Variants in CDKAL1 observed in about 807,000 individuals in gnomAD.
The protein encoded by CDKAL1 is CDKAL1 threonylcarbamoyladenosine tRNA methylthiotransferase.
CDKAL1 carries 32 observed loss-of-function variants against 68.2 expected under a neutral mutation model. The observed-to-expected ratio is 0.47, with a 90% CI of 0.35 to 0.63. The LOEUF is 0.63. Among genes scored for constraint, CDKAL1 ranks in the 30% least tolerant of loss-of-function variants. The pLI is 0.00. For synonymous variants in CDKAL1, 234 were observed against 244.3 expected (o/e 0.96, Z 0.39); for missense variants, 606 against 696.7 (o/e 0.87, Z 1.47).
intron 13 of CDKAL1, among the ~76,000 whole-genome samples, chr6:21,193,897 C>CA (rs776338696): frequency 6.6e-6 from 1 of 152,164 alleles, no homozygotes; most frequent in Non-Finnish European, 1.5e-5. Context: ...GTTGCTATAA[C>CA]AAAATACCCA....
At chr6:20,825,320 T>A (rs1159666379) in intron 8 of CDKAL1, among the ~76,000 whole-genome samples, 2 of 138,392 alleles carry the variant, frequency 1.4e-5, no homozygotes, top group African/African-American at 5.2e-5. Context: ...TAATTTTGAA[T>A]TTGCCTTAGT....
chr6:21,023,789 AT>A (rs1262656199), intron 11 of CDKAL1, among the ~76,000 whole-genome samples: 6 of 152,146 alleles, frequency 3.9e-5, no homozygotes, highest in African/African-American at 1.4e-4. Flanking sequence ...GGCACAATAT[AT>A]TTTTATTTAC....
intron 12 of CDKAL1, among the ~76,000 whole-genome samples, chr6:21,104,542 G>A (rs1296089695): frequency 6.6e-6 from 1 of 151,952 alleles, no homozygotes; most frequent in Non-Finnish European, 1.5e-5. Flanking sequence ...AACAGGCAGT[G>A]GGTCAGATTG....
intron 8 of CDKAL1, among the ~76,000 whole-genome samples, chr6:20,792,644 A>C (rs1210163349): frequency 6.6e-6 from 1 of 152,168 alleles, no homozygotes; most frequent in Non-Finnish European, 1.5e-5. Context: ...TTTATTTAGG[A>C]CCAGGAGCCC....
chr6:20,668,682 A>T (rs1769665764), intron 5 of CDKAL1, among the ~76,000 whole-genome samples: 1 of 152,230 alleles, frequency 6.6e-6, no homozygotes, highest in African/African-American at 2.4e-5. Context: ...TGATGCAGTG[A>T]TCAAACCAGA....
intron 9 of CDKAL1, among the ~76,000 whole-genome samples, chr6:20,905,375 G>C (rs187236548): frequency 6.6e-5 from 10 of 152,216 alleles, no homozygotes; most frequent in Non-Finnish European, 1.5e-4. Context: ...TTGAAAATAG[G>C]ACAATCAAAA....
intron 5 of CDKAL1, among the ~76,000 whole-genome samples, chr6:20,668,383 A>G (rs1348562704): frequency 6.6e-6 from 1 of 152,058 alleles, no homozygotes; most frequent in East Asian, 1.9e-4. Flanking sequence ...TGGAGTGGCT[A>G]TTTACAGGTG....
At chr6:20,722,080 G>T (rs1404872344) in intron 5 of CDKAL1, among the ~76,000 whole-genome samples, 1 of 152,066 alleles carries the variant, frequency 6.6e-6, no homozygotes, top group African/African-American at 2.4e-5. Flanking sequence ...AGCCATACTT[G>T]TGGCCTCAAC....
intron 4 of CDKAL1, among the ~76,000 whole-genome samples, chr6:20,594,444 G>C (rs1368179155): frequency 1.3e-5 from 2 of 152,078 alleles, no homozygotes; most frequent in East Asian, 3.8e-4. Context: ...CCTTTTCTCT[G>C]TGTCTTTTGA....
At chr6:20,595,101 A>C (rs1186895889) in intron 4 of CDKAL1, among the ~76,000 whole-genome samples, 1 of 151,952 alleles carries the variant, frequency 6.6e-6, no homozygotes, top group Non-Finnish European at 1.5e-5. Flanking sequence ...GCTGCCCTTA[A>C]CGTTTTTTTC....
chr6:20,937,573 T>G (rs1298738921), intron 9 of CDKAL1, among the ~76,000 whole-genome samples: 1 of 152,238 alleles, frequency 6.6e-6, no homozygotes, highest in Non-Finnish European at 1.5e-5. Flanking sequence ...GTCTCCTCAG[T>G]CTCTTCACTT....
At chr6:20,816,173 A>T (rs1777040245) in intron 8 of CDKAL1, among the ~76,000 whole-genome samples, 1 of 144,208 alleles carries the variant, frequency 6.9e-6, no homozygotes, top group Non-Finnish European at 1.5e-5. Context: ...TTAGGGTCTC[A>T]CCCTGTTCTC....
At chr6:20,854,192 A>T in intron 9 of CDKAL1, among the ~76,000 whole-genome samples, 1 of 152,202 alleles carries the variant, frequency 6.6e-6, no homozygotes, top group Non-Finnish European at 1.5e-5. Context: ...AATTTGGGAT[A>T]ACAGAAGTCA....
At chr6:21,124,342 C>G (rs940861848) in intron 13 of CDKAL1, among the ~76,000 whole-genome samples, 101 of 152,226 alleles carry the variant, frequency 6.6e-4, no homozygotes, top group Non-Finnish European at 1.1e-3. Context: ...TCTGATGTTG[C>G]TGCTGCCCAT....
rs764266426 is a variant in CDKAL1, at chr6:21,079,976, C to CTGTGTGTGTGTGTGTGTGTGTGTGTG, written c.1236+14756_1236+14781dup. ...TAAGATAAGCTTATCAACTTTGTCT[C>CTGTGTGTGTGTGTGTGTGTGTGTGTG]TGTGTGTGTGTGTGTGTGTGTGTGT... On this transcript the variant is annotated intron_variant, in intron 12 of 15. Transcript: ENST00000274695. 6.5e-3 allele frequency among the ~76,000 whole-genome samples: 879 copies of CTGTGTGTGTGTGTGTGTGTGTGTGTG among 135,808 alleles called. 19 individuals carry two copies. The highest frequency in any genetic ancestry group is 0.061 in the East Asian group (266 of 4,338). The allele number at this position is 135,808 out of a possible 152,430, so 89.1% of individuals were successfully genotyped here.
intron 12 of CDKAL1, among the ~76,000 whole-genome samples, chr6:21,077,401 T>C (rs11963654): frequency 0.25 from 38,509 of 152,096 alleles, 5,673 homozygotes; most frequent in African/African-American, 0.39. Context: ...CCGAAACTTG[T>C]GAATATGTTA....
At chr6:20,996,248 T>C (rs530042664) in intron 10 of CDKAL1, among the ~76,000 whole-genome samples, 1 of 152,362 alleles carries the variant, frequency 6.6e-6, no homozygotes, top group East Asian at 1.9e-4. Context: ...GACTTTCTTA[T>C]CATTCATGAG....
At chr6:20,987,641 G>A (rs933393842) in intron 10 of CDKAL1, among the ~76,000 whole-genome samples, 2 of 152,016 alleles carry the variant, frequency 1.3e-5, no homozygotes, top group Non-Finnish European at 2.9e-5. Context: ...TCTTCTTCCC[G>A]TGTTTTACCT....
chr6:20,619,386 C>T (rs1336182892), intron 4 of CDKAL1, among the ~76,000 whole-genome samples: 1 of 152,040 alleles, frequency 6.6e-6, no homozygotes, highest in Non-Finnish European at 1.5e-5. Context: ...GTGTTCTTAT[C>T]ACAAAAATAA....
Sources: allele counts gnomAD v4.1 joint callset (sites outside exome capture counted in the v4.1 genomes callset), GRCh38; gene constraint gnomAD v4.1.1; transcripts MANE v1.5; gene names NCBI Gene and HGNC (gene_info 2026-07-23, HGNC 2026-07-21).